KLHL28: variants seen among roughly 807,000 people sequenced by gnomAD.
The protein encoded by KLHL28 is kelch like family member 28.
A neutral mutation model predicts 48.3 loss-of-function variants in KLHL28; 22 were observed. The observed-to-expected ratio is 0.46, with a 90% CI of 0.33 to 0.65. KLHL28 has a LOEUF of 0.65. KLHL28 is among the 30% of genes least tolerant of loss of function. The probability of loss-of-function intolerance (pLI) is 0.03; values close to 1 mark genes in which losing one functional copy is unlikely to be tolerated. For missense variants in KLHL28, 527 were observed against 704.3 expected (o/e 0.75, Z 2.85); for synonymous variants, 243 against 242.4 (o/e 1.00, Z -0.02).
At position 44,934,577 on chromosome 14, in the gene KLHL28, A is replaced by T. The variant is rs976556590; in HGVS notation, c.900-19T>A. On this transcript the variant is annotated intron_variant, in intron 2 of 4. Coordinates refer to ENST00000396128, the MANE Select transcript of KLHL28 (RefSeq NM_017658.5). Reference sequence around the variant, plus strand: ...CTCCACACTAAAGAATAAGCAGAAAAAATATAAAATTTAAAAACCAAAGTG... The same window carrying T: ...CTCCACACTAAAGAATAAGCAGAAATAATATAAAATTTAAAAACCAAAGTG... 6.6e-7 allele frequency: 1 copy of T among 1,518,582 alleles called. No homozygotes were observed. The highest frequency in any genetic ancestry group is 8.8e-7 in the Non-Finnish European group (1 of 1,136,384). 94.1% of individuals were successfully genotyped at this position (1,518,582 alleles called of 1,614,324 possible). A position where few individuals can be genotyped will look rare whatever the true frequency, so the allele number is the denominator to read the frequency against.
rs768492562 is a variant in KLHL28, at chr14:44,924,559, C to A, written c.*4469G>T. On this transcript the variant is annotated 3_prime_UTR_variant, in exon 5 of 5. Coordinates refer to ENST00000396128, the MANE Select transcript of KLHL28 (RefSeq NM_017658.5). ...ACAAAAACATTTAAACTAACATAATCCACAACTAGATCACATTCTTTGCAA... is the reference window on the plus strand; with the variant it reads ...ACAAAAACATTTAAACTAACATAATACACAACTAGATCACATTCTTTGCAA... 1.3e-5 allele frequency: 2 copies of A among 152,516 alleles called. No individual in the cohort carries two copies. Among genetic ancestry groups the A allele is most frequent in the Non-Finnish European group, 2.9e-5 (2 of 68,016 alleles). The allele number at this position is 152,516 out of a possible 1,614,324, so 9.4% of individuals were successfully genotyped here.
chr14:44,928,605 C>T lies in KLHL28; in HGVS notation c.*423G>A, dbSNP rs1883452815. 1 of 151,762 alleles carries T rather than the reference C, an allele frequency of 6.6e-6. No individual in the cohort carries two copies. The allele number at this position is 151,762 out of a possible 1,614,324, so 9.4% of individuals were successfully genotyped here. On this transcript the variant is annotated 3_prime_UTR_variant, in exon 5 of 5. Transcript: ENST00000396128. The stretch of plus-strand genomic sequence containing the variant: ...CCAAGAAGCAGTATCAGCACTCTGT[C>T]CATTCATTCAATACACTCCAGCACC...
At chr14:44,936,319 AT>A (rs2138597657) in intron 2 of KLHL28, among the ~76,000 whole-genome samples, 1 of 152,274 alleles carries the variant, frequency 6.6e-6, no homozygotes, top group African/African-American at 2.4e-5. Context: ...AATGATACAT[AT>A]AGTACAGAGG....
intron 1 of KLHL28, among the ~76,000 whole-genome samples, chr14:44,956,252 C>T (rs1485880286): frequency 6.6e-6 from 1 of 152,126 alleles, no homozygotes; most frequent in Non-Finnish European, 1.5e-5. Context: ...TGAGCCACTA[C>T]ACCTGGCCAA....
chr14:44,956,543 C>T (rs192809033), intron 1 of KLHL28, among the ~76,000 whole-genome samples: 1 of 152,216 alleles, frequency 6.6e-6, no homozygotes, highest in Admixed American at 6.5e-5. Context: ...ATAGAAAAAT[C>T]ATGTTAAACA....
chr14:44,960,920 G>A (rs1885044993), intron 1 of KLHL28: 1 of 1,540,184 alleles, frequency 6.5e-7, no homozygotes, highest in Non-Finnish European at 8.8e-7. Context: ...ACTTGCATTT[G>A]AAGTGCATAA....
chr14:44,935,890 GTATA>G (rs139707349), intron 2 of KLHL28, among the ~76,000 whole-genome samples: 10 of 59,094 alleles, frequency 1.7e-4, no homozygotes, highest in South Asian at 7.1e-4. Flanking sequence ...ATATATGTGT[GTATA>G]TATATATATC....
intron 4 of KLHL28, 50 bp downstream of exon 4, chr14:44,931,283 T>C (rs1171663143): frequency 8.3e-7 from 1 of 1,197,678 alleles, no homozygotes; most frequent in East Asian, 2.4e-5. Context: ...AAGCACATCA[T>C]TATAGAAAAC....
chr14:44,936,246 G>A (rs778744008), intron 2 of KLHL28, among the ~76,000 whole-genome samples: 29 of 151,998 alleles, frequency 1.9e-4, no homozygotes, highest in Non-Finnish European at 3.8e-4. Context: ...GAAAGACCAT[G>A]GGACCAGAGG....
At position 44,953,898 on chromosome 14, in the gene KLHL28, C is replaced by T. The variant is rs912536161; in HGVS notation, c.-1+7948G>A. 4.6e-5 allele frequency among the ~76,000 whole-genome samples: 7 copies of T among 151,786 alleles called. No homozygotes were observed. The South Asian group carries it at 6.2e-4, about 14-fold the overall frequency. ...TTTTAAAAACTTGGAATAAAGAAAT[C>T]GTAAGTAAAAATATAAATGAGACTG... On this transcript the variant is annotated intron_variant, in intron 1 of 4. Coordinates refer to ENST00000396128, the MANE Select transcript of KLHL28 (RefSeq NM_017658.5).
At chr14:44,954,982 A>AT in intron 1 of KLHL28, among the ~76,000 whole-genome samples, 2 of 152,272 alleles carry the variant, frequency 1.3e-5, no homozygotes, top group South Asian at 4.1e-4. Flanking sequence ...CAGTAATCGC[A>AT]TTGTTGATAA....
chr14:44,960,307 C>G (rs937608477), intron 1 of KLHL28, among the ~76,000 whole-genome samples: 1 of 152,122 alleles, frequency 6.6e-6, no homozygotes, highest in Non-Finnish European at 1.5e-5. Flanking sequence ...ACTTGGCTTC[C>G]CAAGTTCTTG....
At chr14:44,942,358 T>C (rs549801542) in intron 2 of KLHL28, among the ~76,000 whole-genome samples, 1 of 152,304 alleles carries the variant, frequency 6.6e-6, no homozygotes, top group South Asian at 2.1e-4. Context: ...TCTACCCTAA[T>C]TTAGGATCTC....
rs1883470850 is a variant in KLHL28, at chr14:44,928,887, C to T, written c.*141G>A. The T allele has an allele frequency of 1.7e-6, 1 of 602,652 alleles. No homozygotes were observed. Among genetic ancestry groups the T allele is most frequent in the East Asian group, 2.9e-5 (1 of 34,506 alleles). 37.3% of individuals were successfully genotyped at this position (602,652 alleles called of 1,614,324 possible). On this transcript the variant is annotated 3_prime_UTR_variant, in exon 5 of 5. Transcript: ENST00000396128. ...CAAAACTACTTCTCAATTAAAAGTA[C>T]CCAACAAAACTTTTGAGCCTTCATG... is the stretch of plus-strand genomic sequence containing the variant.
rs755636291 is a variant in KLHL28 at position 44,929,199 on chromosome 14, A to T, written c.1553-8T>A. The T allele has an allele frequency of 3.8e-6, 6 of 1,588,326 alleles. No individual in the cohort carries two copies. Among genetic ancestry groups the T allele is most frequent in the Middle Eastern group, 1.7e-4 (1 of 5,952 alleles). ...TTACAGCAGCACCAACTCCTAGGAA[A>T]GGTTGGCAAAAAGAAGATAGAAACA... On this transcript the variant is annotated splice_polypyrimidine_tract_variant and splice_region_variant and intron_variant, in intron 4 of 4. Coordinates refer to ENST00000396128, the MANE Select transcript of KLHL28 (RefSeq NM_017658.5).
chr14:44,960,799 A>G (rs1306857133), intron 1 of KLHL28: 2 of 529,676 alleles, frequency 3.8e-6, no homozygotes, highest in African/African-American at 2.1e-5. Context: ...TTGCACTTGC[A>G]TCAGCTGGGA....
chr14:44,928,921 A>T lies in KLHL28; in HGVS notation c.*107T>A. 2.0e-6 allele frequency: 2 copies of T among 997,008 alleles called. No homozygotes were observed. Among genetic ancestry groups the T allele is most frequent in the Non-Finnish European group, 2.9e-6 (2 of 682,256 alleles). 61.8% of individuals were successfully genotyped at this position (997,008 alleles called of 1,614,324 possible). On this transcript the variant is annotated 3_prime_UTR_variant, in exon 5 of 5. Transcript: ENST00000396128. ...ACTTTTGAGCCTTCATGCTACTTCA[A>T]GTTAAAAAGAAAGCAATGCAGCTTG...
Position 44,961,235 on chromosome 14 carries a change from G to T in KLHL28, c.-1+611C>A, listed in dbSNP as rs1772303683. 3 of 234,084 alleles carry T rather than the reference G, an allele frequency of 1.3e-5. No individual in the cohort carries two copies. The South Asian group carries it at 2.4e-4, about 19-fold the overall frequency. 14.5% of individuals were successfully genotyped at this position (234,084 alleles called of 1,614,324 possible). On this transcript the variant is annotated intron_variant, in intron 1 of 4. Transcript: ENST00000396128. ...AAGTGAAATTGTCTTCGCAATCTCT[G>T]TCTCTAGGAGACTGAAAGGCTGCAG...
chr14:44,960,999 CAAA>C, intron 1 of KLHL28: 11 of 663,258 alleles, frequency 1.7e-5, no homozygotes, highest in East Asian at 1.1e-4. Flanking sequence ...ATTATTCCTT[CAAA>C]AAAAAAAAAT....
Sources: allele counts gnomAD v4.1 joint callset (sites outside exome capture counted in the v4.1 genomes callset), GRCh38; gene constraint gnomAD v4.1.1; transcripts MANE v1.5; gene names NCBI Gene and HGNC (gene_info 2026-07-23, HGNC 2026-07-21).